TESK2: variants seen among roughly 807,000 people sequenced by gnomAD.
The protein encoded by TESK2 is dual specificity testis-specific protein kinase 2.
TESK2 carries 39 observed loss-of-function variants against 57.1 expected under a neutral mutation model. The ratio of observed to expected loss-of-function variants is 0.68; its 90% CI spans 0.53 to 0.89. The LOEUF is 0.89. Among genes scored for constraint, TESK2 ranks in the 40% least tolerant of loss-of-function variants. The pLI is 0.00. For missense variants in TESK2, 646 were observed against 732.1 expected, an observed-to-expected ratio of 0.88 and a Z score of 1.36; for synonymous variants, 249 against 267.9, an observed-to-expected ratio of 0.93 and a Z score of 0.69.
chr1:45,474,001 A>G lies in TESK2; in HGVS notation c.-86-16130T>C, dbSNP rs181632661. 3.8e-3 allele frequency among the ~76,000 whole-genome samples: 573 copies of G among 152,270 alleles called. 12 individuals carry two copies. The highest frequency in any genetic ancestry group is 0.035 in the Admixed American group (533 of 15,290). On this transcript the variant is annotated intron_variant, in intron 1 of 10. Transcript: ENST00000372086. ...TTAATAAGCACGACTACCAGACAATAGTAGAAAATTACTGTTAATTTAGTT... is the reference window on the plus strand; with the variant it reads ...TTAATAAGCACGACTACCAGACAATGGTAGAAAATTACTGTTAATTTAGTT...
At chr1:45,363,723 CTT>C (rs201614410) in intron 4 of TESK2, among the ~76,000 whole-genome samples, 1 of 146,014 alleles carries the variant, frequency 6.8e-6, no homozygotes, top group Non-Finnish European at 1.5e-5. Flanking sequence ...AGTAATTATT[CTT>C]TTTTTTTTTT....
chr1:45,479,757 T>G (rs1653136500), intron 1 of TESK2, among the ~76,000 whole-genome samples: 1 of 151,994 alleles, frequency 6.6e-6, no homozygotes, highest in African/African-American at 2.4e-5. Context: ...ATAATTGTTT[T>G]CTTGTTCCCA....
chr1:45,449,335 C>T (rs991595276), intron 2 of TESK2, among the ~76,000 whole-genome samples: 1 of 151,948 alleles, frequency 6.6e-6, no homozygotes, highest in African/African-American at 2.4e-5. Flanking sequence ...CCACCAATTG[C>T]ACTCTGTGAT....
intron 5 of TESK2, among the ~76,000 whole-genome samples, chr1:45,352,178 C>G (rs919211548): frequency 6.6e-6 from 1 of 152,168 alleles, no homozygotes; most frequent in African/African-American, 2.4e-5. Flanking sequence ...TTGAGATCCC[C>G]TATAGTGTAC....
chr1:45,400,800 T>C (rs920841813), intron 3 of TESK2, among the ~76,000 whole-genome samples: 3 of 151,830 alleles, frequency 2.0e-5, no homozygotes, highest in Non-Finnish European at 2.9e-5. Context: ...GGCAGGTGAA[T>C]CACCTGAGGC....
chr1:45,347,166 C>G (rs961071058), intron 7 of TESK2, 104 bp from the exon 8 acceptor site: 3 of 977,716 alleles, frequency 3.1e-6, no homozygotes, highest in Non-Finnish European at 4.7e-6. Flanking sequence ...CAGCCCAGGC[C>G]TGGGCCATAT....
chr1:45,355,911 T>C (rs1647400198), intron 4 of TESK2, among the ~76,000 whole-genome samples: 2 of 152,186 alleles, frequency 1.3e-5, no homozygotes, highest in South Asian at 4.1e-4. Context: ...CCAGAGTGCA[T>C]TTATAGATGA....
chr1:45,457,676 C>G lies in TESK2; in HGVS notation c.110G>C (p.Arg37Thr). 6.2e-7 allele frequency: 1 copy of G among 1,614,178 alleles called. No individual in the cohort carries two copies. ...AGCTCGATACGAAGATGGCCAAACT[C>G]TTCCCACCTGGCTCACATTTCCTTC... ...GGEGNVSQVG[R>T]VWPSSYRALI... is the part of the protein sequence containing the mutation. The change falls in exon 2 of 11, where the codon AGA (arginine) becomes ACA (threonine). Residue 37 changes from arginine (R) to threonine (T), a missense_variant. Transcript: ENST00000372086.
intron 4 of TESK2, among the ~76,000 whole-genome samples, chr1:45,362,888 CT>C (rs111868377): frequency 2.5e-4 from 37 of 147,824 alleles, no homozygotes; most frequent in South Asian, 6.4e-4. Context: ...TCAACTAACA[CT>C]TTTTTTTTTT....
At chr1:45,466,064 C>A (rs1051494699) in intron 1 of TESK2, among the ~76,000 whole-genome samples, 1 of 152,078 alleles carries the variant, frequency 6.6e-6, no homozygotes, top group Non-Finnish European at 1.5e-5. Context: ...ATATACTAAT[C>A]GGGCATGGTG....
At chr1:45,359,375 C>T (rs1018617627) in intron 4 of TESK2, among the ~76,000 whole-genome samples, 2 of 151,972 alleles carry the variant, frequency 1.3e-5, no homozygotes, top group African/African-American at 4.8e-5. Flanking sequence ...GCCTGGCCAA[C>T]ATAGTGAAAC....
At chr1:45,414,285 G>C (rs565681140) in intron 3 of TESK2, among the ~76,000 whole-genome samples, 1 of 152,250 alleles carries the variant, frequency 6.6e-6, no homozygotes, top group African/African-American at 2.4e-5. Flanking sequence ...CAGTATCTTT[G>C]AGACAGATGG....
chr1:45,399,073 T>G, intron 3 of TESK2: 1 of 383,896 alleles, frequency 2.6e-6, no homozygotes, highest in Non-Finnish European at 5.0e-6. Flanking sequence ...TGCCTCTCCA[T>G]ACACTTAAAA....
chr1:45,415,275 G>A, intron 3 of TESK2: 2 of 1,361,122 alleles, frequency 1.5e-6, no homozygotes, highest in Non-Finnish European at 2.1e-6. Context: ...TGGAGGCCAT[G>A]GGGCACTTTG....
chr1:45,434,962 T>TC lies in TESK2; in HGVS notation c.223-13117_223-13116insG, dbSNP rs1182491256. Among the ~76,000 whole-genome samples the TC allele has an allele frequency of 2.0e-5, 3 of 150,998 alleles. No homozygotes were observed. The East Asian group carries it at 5.8e-4, about 29-fold the overall frequency. ...TTTCCTCTGTTTACTTTTCTTTCTT[T>TC]TTTTTTTTTTTCTTTTTTTGAGACA... On this transcript the variant is annotated intron_variant, in intron 2 of 10. Coordinates refer to ENST00000372086, the MANE Select transcript of TESK2 (RefSeq NM_007170.3).
chr1:45,359,499 G>A (rs1396228171), intron 4 of TESK2, among the ~76,000 whole-genome samples: 1 of 151,660 alleles, frequency 6.6e-6, no homozygotes, highest in African/African-American at 2.4e-5. Context: ...GGCGGAGGCT[G>A]CAGTGAAGTG....
intron 3 of TESK2, among the ~76,000 whole-genome samples, chr1:45,412,647 A>C (rs1312543444): frequency 6.6e-6 from 1 of 152,200 alleles, no homozygotes; most frequent in Non-Finnish European, 1.5e-5. Context: ...CATAGTCTTC[A>C]ATTTCATATT....
At position 45,344,990 on chromosome 1, in the gene TESK2, A is replaced by G; in HGVS notation, c.1566T>C (p.Asn522=). The G allele has an allele frequency of 1.9e-6, 3 of 1,614,062 alleles. No individual in the cohort carries two copies. The highest frequency in any genetic ancestry group is 2.5e-6 in the Non-Finnish European group (3 of 1,180,010). The change falls in exon 11 of 11, where the codon AAT becomes AAC. Residue 522 remains asparagine, a synonymous_variant. Coordinates refer to ENST00000372086, the MANE Select transcript of TESK2 (RefSeq NM_007170.3). ...AMDCSILQEE[N]GFGSRPQGTS... is the part of the protein sequence containing the mutation. ...TCCCCTGGGGCCTGGACCCAAAACCATTTTCTTCCTGGAGAATGGAGCAGT... is the reference window on the plus strand; with the variant it reads ...TCCCCTGGGGCCTGGACCCAAAACCGTTTTCTTCCTGGAGAATGGAGCAGT...
intron 1 of TESK2, among the ~76,000 whole-genome samples, chr1:45,466,457 G>C (rs1296667923): frequency 1.3e-5 from 2 of 151,686 alleles, no homozygotes; most frequent in Non-Finnish European, 2.9e-5. Context: ...CTGGGCAACA[G>C]AGCAAGACTC....
Sources: allele counts gnomAD v4.1 joint callset (sites outside exome capture counted in the v4.1 genomes callset), GRCh38; gene constraint gnomAD v4.1.1; transcripts MANE v1.5; gene names NCBI Gene and HGNC (gene_info 2026-07-23, HGNC 2026-07-21).